Variants in CLTC observed in about 807,000 individuals in gnomAD.
The protein encoded by CLTC is clathrin heavy chain.
In CLTC, 16 loss-of-function variants were observed where a neutral mutation model predicts 195.8. The ratio of observed to expected loss-of-function variants is 0.08; its 90% CI spans 0.06 to 0.12. CLTC has a LOEUF of 0.12. Ranked by LOEUF, CLTC falls within the 10% of genes least tolerant of loss-of-function variation. CLTC has a pLI of 1.00. For missense variants in CLTC, 796 were observed against 2,027.0 expected, an observed-to-expected ratio of 0.39 and a Z score of 11.66; for synonymous variants, 667 against 689.4, an observed-to-expected ratio of 0.97 and a Z score of 0.51.
rs756161284 is a variant in CLTC, at chr17:59,685,274, G to T, written c.4605+48G>T. On this transcript the variant is annotated intron_variant, in intron 29 of 31. Coordinates refer to ENST00000269122, the MANE Select transcript of CLTC (RefSeq NM_004859.4). This position sits in a 1 kb window ranked among gnomAD's most constrained non-coding sequence, Gnocchi z 5.0. ...GGCTGTTTTAAACCAGGCCTAAAAT[G>T]GTGTTACAAGTGATTATAATCTATA... 1 of 1,486,376 alleles carries T rather than the reference G, an allele frequency of 6.7e-7. No homozygotes were observed. Among genetic ancestry groups the T allele is most frequent in the East Asian group, 2.3e-5 (1 of 42,984 alleles). The allele number at this position is 1,486,376 out of a possible 1,614,324, so 92.1% of individuals were successfully genotyped here.
intron 2 of CLTC, among the ~76,000 whole-genome samples, chr17:59,645,814 T>C (rs1188216560): frequency 6.6e-6 from 1 of 152,110 alleles, no homozygotes; most frequent in Non-Finnish European, 1.5e-5. Flanking sequence ...AGATGTTTTG[T>C]GACAGTAAGT....
intron 1 of CLTC, among the ~76,000 whole-genome samples, chr17:59,621,949 A>C (rs1041431369): frequency 6.6e-6 from 1 of 152,254 alleles, no homozygotes; most frequent in African/African-American, 2.4e-5. Context: ...AATCAAGTAC[A>C]GCTGCTCTTT....
In CLTC at chr17:59,658,045, G is replaced by A. The variant is rs551261812; in HGVS notation, c.969+2018G>A. Among the ~76,000 whole-genome samples the A allele has an allele frequency of 7.9e-5, 12 of 151,648 alleles. No individual in the cohort carries two copies. The South Asian group carries it at 1.2e-3, about 16-fold the overall frequency. On this transcript the variant is annotated intron_variant, in intron 6 of 31. Transcript: ENST00000269122. The stretch of plus-strand genomic sequence containing the variant: ...GAAACCTCGTCTCTACTAAAAATAC[G>A]AAAAAAAATTAGCTGGGTGTGGTGG...
At chr17:59,676,906 AT>A in intron 16 of CLTC, 47 bp from the exon 17 acceptor site, 1 of 1,354,024 alleles carries the variant, frequency 7.4e-7, no homozygotes, top group Non-Finnish European at 1.1e-6. Context: ...AGAGTGTGTT[AT>A]TTATAATACA....
Position 59,681,225 on chromosome 17 carries a change from C to T in CLTC, c.3066-70C>T. On this transcript the variant is annotated intron_variant, in intron 19 of 31. Coordinates refer to ENST00000269122, the MANE Select transcript of CLTC (RefSeq NM_004859.4). The surrounding 1 kb of genome is among the most constrained non-coding windows in gnomAD (Gnocchi z 5.0). ...TTGAGACAAAAACCTCTCCGTTAGTCACAGTGGTTATTTTTTATGTCGGAT... is the reference window on the plus strand; with the variant it reads ...TTGAGACAAAAACCTCTCCGTTAGTTACAGTGGTTATTTTTTATGTCGGAT... 1 of 1,511,002 alleles carries T rather than the reference C, an allele frequency of 6.6e-7. No individual in the cohort carries two copies. Among genetic ancestry groups the T allele is most frequent in the Non-Finnish European group, 9.0e-7 (1 of 1,111,848 alleles). 93.6% of individuals were successfully genotyped at this position (1,511,002 alleles called of 1,614,324 possible). A position where few individuals can be genotyped will look rare whatever the true frequency, so the allele number is the denominator to read the frequency against.
intron 2 of CLTC, among the ~76,000 whole-genome samples, chr17:59,645,375 A>G (rs1481981165): frequency 2.0e-5 from 3 of 152,340 alleles, no homozygotes; most frequent in South Asian, 4.1e-4. Flanking sequence ...AATTGTCCCA[A>G]CAAGGGAACT....
intron 1 of CLTC, among the ~76,000 whole-genome samples, chr17:59,632,599 C>T (rs1428915451): frequency 2.6e-5 from 4 of 151,982 alleles, no homozygotes; most frequent in Admixed American, 2.0e-4. Flanking sequence ...GCCGAGATTG[C>T]GCCACTGCAT....
In CLTC at chr17:59,691,508, C is replaced by T. The variant is rs549544911; in HGVS notation, c.4903+797C>T. Among the ~76,000 whole-genome samples the T allele has an allele frequency of 3.3e-5, 5 of 152,024 alleles. No individual in the cohort carries two copies. In the South Asian group the frequency reaches 1.0e-3, roughly 32 times the overall value. ...GCGTGGTGGCACATGCCTGTAGTCC[C>T]AGCTACTTGGGAGGCTGAGGCAGGA... On this transcript the variant is annotated intron_variant, in intron 31 of 31. Transcript: ENST00000269122.
intron 10 of CLTC, 108 bp downstream of exon 10, chr17:59,665,017 G>T: frequency 2.1e-6 from 3 of 1,413,218 alleles, no homozygotes. Context: ...TTGAGGCCAA[G>T]AATTCAAGAC....
chr17:59,620,916 C>G lies in CLTC; in HGVS notation c.42+743C>G, dbSNP rs1308317777. ...TTATTTCTCTGGGGATGTTGTGGCT[C>G]TTAACCCCTCTTTGGTTCTGGAAGG... On this transcript the variant is annotated intron_variant, in intron 1 of 31. Coordinates refer to ENST00000269122, the MANE Select transcript of CLTC (RefSeq NM_004859.4). 4.6e-5 allele frequency among the ~76,000 whole-genome samples: 7 copies of G among 152,148 alleles called. No individual in the cohort carries two copies. The South Asian group carries it at 6.2e-4, about 13-fold the overall frequency.
intron 4 of CLTC, among the ~76,000 whole-genome samples, chr17:59,649,060 C>T (rs2032265258): frequency 6.6e-6 from 1 of 152,154 alleles, no homozygotes; most frequent in Admixed American, 6.5e-5. Flanking sequence ...CATGACTACA[C>T]ATTGGAATCG....
chr17:59,646,092 G>T (rs879888466), intron 2 of CLTC: 4 of 501,382 alleles, frequency 8.0e-6, no homozygotes, highest in Non-Finnish European at 1.0e-5. Context: ...AAAGATTTTC[G>T]GAGCATTGTA....
chr17:59,664,691 TAGTTCTA>T (rs2032688036), intron 9 of CLTC, 89 bp from the exon 10 acceptor site: 2 of 1,277,498 alleles, frequency 1.6e-6, no homozygotes, highest in South Asian at 1.8e-5. Context: ...CTTTCACCAG[TAGTTCTA>T]TATTAGTGAG....
intron 1 of CLTC, among the ~76,000 whole-genome samples, chr17:59,631,154 A>G (rs1252027403): frequency 6.6e-6 from 1 of 152,168 alleles, no homozygotes; most frequent in African/African-American, 2.4e-5. Context: ...GTCTGCTCCC[A>G]AACTCTGTAG....
At chr17:59,667,079 G>T (rs765420893) in intron 13 of CLTC, 102 bp downstream of exon 13, 3 of 837,988 alleles carry the variant, frequency 3.6e-6, no homozygotes, top group Admixed American at 3.0e-5. Context: ...CTAAAAATTT[G>T]GTTCTATGGG....
chr17:59,629,067 C>T (rs1222428930), intron 1 of CLTC, among the ~76,000 whole-genome samples: 2 of 152,100 alleles, frequency 1.3e-5, no homozygotes, highest in Non-Finnish European at 2.9e-5. Flanking sequence ...ATATGCTCTG[C>T]TTGGCAAACA....
rs750484187 is a variant in CLTC, at chr17:59,682,320, T to G, written c.3492T>G (p.Ala1164=). The G allele has an allele frequency of 6.2e-7, 1 of 1,614,016 alleles. No homozygotes were observed. Among genetic ancestry groups the G allele is most frequent in the Non-Finnish European group, 8.5e-7 (1 of 1,179,984 alleles). Reference sequence around the variant, plus strand: ...ACTTGCAGATGGCCCGTAAGAAGGCTCGAGAGTCCTATGTGGAGACAGAAC... The same window carrying G: ...ACTTGCAGATGGCCCGTAAGAAGGCGCGAGAGTCCTATGTGGAGACAGAAC... ...VKYLQMARKK[A]RESYVETELI... Residue 1164 remains alanine (A), a synonymous_variant, in exon 22 of 32, where the codon GCT becomes GCG. Coordinates refer to ENST00000269122, the MANE Select transcript of CLTC (RefSeq NM_004859.4). This position sits in a 1 kb window ranked among gnomAD's most constrained non-coding sequence, Gnocchi z 6.8.
intron 1 of CLTC, among the ~76,000 whole-genome samples, chr17:59,623,573 A>G (rs2031452017): frequency 6.6e-6 from 1 of 152,244 alleles, no homozygotes; most frequent in Admixed American, 6.5e-5. Context: ...CTCTTGAACA[A>G]TTGTTTCTGA....
intron 14 of CLTC, among the ~76,000 whole-genome samples, chr17:59,672,771 G>A (rs2032881225): frequency 6.6e-6 from 1 of 152,080 alleles, no homozygotes; most frequent in South Asian, 2.1e-4. Flanking sequence ...TTCTAACCTT[G>A]AAAATAATGT....
Sources: allele counts gnomAD v4.1 joint callset (sites outside exome capture counted in the v4.1 genomes callset), GRCh38; gene constraint gnomAD v4.1.1; non-coding constraint Gnocchi (gnomAD v3.1); transcripts MANE v1.5; gene names NCBI Gene and HGNC (gene_info 2026-07-23, HGNC 2026-07-21).